The following CSMD1 variants were observed in gnomAD, a reference collection of about 807,000 sequenced individuals.
CSMD1 encodes CUB and Sushi multiple domains 1, also known as CUB and sushi domain-containing protein 1.
Under a neutral mutation model 417.5 loss-of-function variants are expected in CSMD1, and 213 were observed. That is an observed-to-expected ratio of 0.51 (90% CI 0.46 to 0.57). CSMD1 has a LOEUF of 0.57. Ranked by LOEUF, CSMD1 falls within the 20% of genes least tolerant of loss-of-function variation. CSMD1 has a pLI of 0.00. For synonymous variants in CSMD1, 2,862 were observed against 1,736.8 expected (o/e 1.65, Z -16.11); for missense variants, 6,923 against 4,529.7 (o/e 1.53, Z -15.17).
chr8:2,971,654 G>C (rs970024323), intron 57 of CSMD1, among the ~76,000 whole-genome samples: 76 of 152,036 alleles, frequency 5.0e-4, no homozygotes, highest in African/African-American at 1.8e-3. Context: ...CTCTGGTTTT[G>C]GTGAGAAAAC....
At chr8:3,311,247 A>C (rs957152481) in intron 23 of CSMD1, among the ~76,000 whole-genome samples, 1 of 151,392 alleles carries the variant, frequency 6.6e-6, no homozygotes, top group African/African-American at 2.5e-5. Context: ...CCCACTACTA[A>C]TAACAAACAA....
At chr8:3,193,490 G>C (rs146385754) in intron 33 of CSMD1, among the ~76,000 whole-genome samples, 337 of 152,240 alleles carry the variant, frequency 2.2e-3, no homozygotes, top group African/African-American at 7.9e-3. Flanking sequence ...ATCAGACAGT[G>C]CTGTGTAACT....
intron 46 of CSMD1, among the ~76,000 whole-genome samples, chr8:3,097,465 T>C (rs531606417): frequency 2.7e-5 from 4 of 148,460 alleles, no homozygotes; most frequent in South Asian, 2.2e-4. Context: ...GTAGGCCCCC[T>C]TACCCCTGGG....
At chr8:3,611,053 A>G (rs191032940) in intron 8 of CSMD1, among the ~76,000 whole-genome samples, 9 of 122,902 alleles carry the variant, frequency 7.3e-5, no homozygotes, top group African/African-American at 2.8e-4. Context: ...GGACACAGGA[A>G]GGGGAACATC....
intron 5 of CSMD1, among the ~76,000 whole-genome samples, chr8:3,904,070 T>A (rs957280638): frequency 1.3e-5 from 2 of 152,184 alleles, no homozygotes; most frequent in Non-Finnish European, 2.9e-5. Flanking sequence ...AGGTGTGATA[T>A]CTTCAGTCAA....
At chr8:3,662,855 G>C (rs558746666) in intron 7 of CSMD1, among the ~76,000 whole-genome samples, 23 of 152,100 alleles carry the variant, frequency 1.5e-4, no homozygotes, top group East Asian at 1.9e-4. Flanking sequence ...GGGGGAAAGA[G>C]GGGGGAGAGC....
intron 3 of CSMD1, among the ~76,000 whole-genome samples, chr8:4,180,920 G>A (rs531214482): frequency 1.6e-4 from 25 of 152,078 alleles, no homozygotes; most frequent in Non-Finnish European, 3.5e-4. Flanking sequence ...AAATTTTCAA[G>A]GTGCCAAAAT....
chr8:4,396,318 AT>A (rs1563129700), intron 3 of CSMD1, among the ~76,000 whole-genome samples: 1 of 146,510 alleles, frequency 6.8e-6, no homozygotes, highest in African/African-American at 2.6e-5. Context: ...AAAAAAAAAA[AT>A]AGCCAGGCAT....
intron 2 of CSMD1, among the ~76,000 whole-genome samples, chr8:4,555,902 T>C (rs973579228): frequency 1.3e-5 from 2 of 152,178 alleles, no homozygotes; most frequent in Non-Finnish European, 2.9e-5. Context: ...AAGTGTATCT[T>C]TACTGTGTAA....
intron 3 of CSMD1, among the ~76,000 whole-genome samples, chr8:4,051,654 G>A (rs563798367): frequency 1.3e-5 from 2 of 152,108 alleles, no homozygotes; most frequent in African/African-American, 4.8e-5. Flanking sequence ...ATAAAATGGT[G>A]AGCAGGATAA....
At chr8:4,549,895 T>TAAAAAAAA (rs1563277700) in intron 2 of CSMD1, among the ~76,000 whole-genome samples, 8 of 65,834 alleles carry the variant, frequency 1.2e-4, no homozygotes, top group Admixed American at 1.8e-4. Flanking sequence ...AGACTTTGTC[T>TAAAAAAAA]CAAAAAAAAA....
At chr8:3,974,436 G>T (rs540456601) in intron 5 of CSMD1, among the ~76,000 whole-genome samples, 7 of 151,802 alleles carry the variant, frequency 4.6e-5, no homozygotes, top group South Asian at 4.2e-4. Context: ...ATTCATAAGG[G>T]TATGTGCAAA....
intron 8 of CSMD1, among the ~76,000 whole-genome samples, chr8:3,609,949 A>T (rs950133479): frequency 1.3e-4 from 19 of 150,268 alleles, no homozygotes; most frequent in African/African-American, 4.7e-4. Context: ...CTACGGGCGC[A>T]CACCAACATG....
chr8:3,228,899 C>T (rs958073920), intron 27 of CSMD1, among the ~76,000 whole-genome samples: 1 of 152,058 alleles, frequency 6.6e-6, no homozygotes, highest in Non-Finnish European at 1.5e-5. Context: ...TGCAGTCTCC[C>T]GGTGACTCAG....
At chr8:4,554,046 C>G (rs1026641725) in intron 2 of CSMD1, among the ~76,000 whole-genome samples, 3 of 152,152 alleles carry the variant, frequency 2.0e-5, no homozygotes, top group African/African-American at 4.8e-5. Flanking sequence ...ACATTATATC[C>G]CTGCTGTCTC....
chr8:4,110,191 T>C (rs1310750867), intron 3 of CSMD1, among the ~76,000 whole-genome samples: 4 of 152,214 alleles, frequency 2.6e-5, no homozygotes, highest in African/African-American at 9.6e-5. Flanking sequence ...ATCTAAAGAA[T>C]AAAATTTAAA....
chr8:3,027,999 CA>C (rs1312902986), intron 51 of CSMD1, among the ~76,000 whole-genome samples: 1 of 152,164 alleles, frequency 6.6e-6, no homozygotes, highest in Non-Finnish European at 1.5e-5. Flanking sequence ...TGTCACGCAG[CA>C]AATACCATTT....
At chr8:4,409,779 C>G (rs975241012) in intron 3 of CSMD1, among the ~76,000 whole-genome samples, 3 of 151,462 alleles carry the variant, frequency 2.0e-5, no homozygotes, top group Non-Finnish European at 2.9e-5. Context: ...AATGTAATAT[C>G]ATACATAATT....
chr8:3,343,896 T>G (rs80100070), intron 22 of CSMD1, among the ~76,000 whole-genome samples: 1 of 152,346 alleles, frequency 6.6e-6, no homozygotes, highest in East Asian at 1.9e-4. Context: ...CCCTTCTGTC[T>G]GAATGCACTA....
Sources: allele counts gnomAD v4.1 joint callset (sites outside exome capture counted in the v4.1 genomes callset), GRCh38; gene constraint gnomAD v4.1.1; transcripts MANE v1.5; gene names NCBI Gene and HGNC (gene_info 2026-07-23, HGNC 2026-07-21).